Variants in RUNDC3A observed in about 807,000 individuals in gnomAD.
RUNDC3A encodes the protein RUN domain containing 3A.
In RUNDC3A, 28 loss-of-function variants were observed where a neutral mutation model predicts 53.9. The ratio of observed to expected loss-of-function variants is 0.52; its 90% CI spans 0.38 to 0.71. The LOEUF (loss-of-function observed/expected upper bound fraction) is 0.71. Among genes scored for constraint, RUNDC3A ranks in the 30% least tolerant of loss-of-function variants. The pLI, the probability that RUNDC3A is intolerant of heterozygous loss-of-function variation, is 0.00. For synonymous variants in RUNDC3A, 232 were observed against 249.4 expected (o/e 0.93, Z 0.66); for missense variants, 491 against 597.3 (o/e 0.82, Z 1.85).
At chr17:44,317,978 G>A in intron 10 of RUNDC3A, 118 bp from the exon 11 acceptor site, 1 of 1,042,362 alleles carries the variant, frequency 9.6e-7, no homozygotes, top group Non-Finnish European at 1.4e-6. Context: ...CAAATGCTGT[G>A]GAATATGCCA....
At chr17:44,314,590 G>A (rs981846189) in intron 4 of RUNDC3A, 145 bp from the exon 5 acceptor site, 3 of 1,450,750 alleles carry the variant, frequency 2.1e-6, no homozygotes, top group Admixed American at 5.0e-5. Flanking sequence ...AAGGGGGAGA[G>A]AGGCTCCAGG....
intron 10 of RUNDC3A, chr17:44,316,978 A>G: frequency 2.2e-6 from 1 of 464,472 alleles, no homozygotes; most frequent in Non-Finnish European, 3.8e-6. Context: ...GCCTGCCACC[A>G]CGCGCAGCTA....
rs1366662595 is a variant in RUNDC3A, at chr17:44,308,744, G to A, written c.-89G>A. ...AAGGGTTGAGGGGCCCCGTCGGACA[G>A]AGGGCCCAGCCGTGATCCAGCGACG... On this transcript the variant is annotated 5_prime_UTR_variant, in exon 1 of 11. Transcript: ENST00000426726. 1.2e-6 allele frequency: 1 copy of A among 843,818 alleles called. No homozygotes were observed. Among genetic ancestry groups the A allele is most frequent in the African/African-American group, 1.7e-5 (1 of 57,720 alleles). 52.3% of individuals were successfully genotyped at this position (843,818 alleles called of 1,614,324 possible).
At chr17:44,317,364 T>A (rs1023714495) in intron 10 of RUNDC3A, 1 of 739,084 alleles carries the variant, frequency 1.4e-6, no homozygotes, top group East Asian at 2.5e-5. Flanking sequence ...TTTTTTAGTG[T>A]CATGACATCC....
intron 1 of RUNDC3A, among the ~76,000 whole-genome samples, chr17:44,310,265 C>A (rs2047724823): frequency 6.6e-6 from 1 of 152,234 alleles, no homozygotes; most frequent in African/African-American, 2.4e-5. Context: ...TTAGATGTCA[C>A]AGCCACACCA....
chr17:44,313,678 C>CA, intron 4 of RUNDC3A, 175 bp downstream of exon 4: 2 of 1,082,548 alleles, frequency 1.8e-6, no homozygotes, highest in Admixed American at 9.9e-5. Context: ...AGGACGAACT[C>CA]TTTTTTTTTT....
At position 44,313,242 on chromosome 17, in the gene RUNDC3A, C is replaced by A; in HGVS notation, c.362C>A (p.Ala121Asp). 1 of 1,613,952 alleles carries A rather than the reference C, an allele frequency of 6.2e-7. No individual in the cohort carries two copies. The highest frequency in any genetic ancestry group is 8.5e-7 in the Non-Finnish European group (1 of 1,179,846). ...GAGAACATGGAGAACATCAGCACAG[C>A]CCGGGCCAAGGTGAGGGGCCTGAAG... Reference protein sequence around the residue: ...SIENMENISTARAKGRAWIRV... With the variant: ...SIENMENISTDRAKGRAWIRV... The change falls in exon 3 of 11, where the codon GCC (alanine) becomes GAC (aspartate). Residue 121 changes from alanine to aspartate, a missense_variant. This residue lies in a region of RUNDC3A where 273 missense variants were observed against 389.0 expected (regional missense o/e 0.70). Coordinates refer to ENST00000426726, the MANE Select transcript of RUNDC3A (RefSeq NM_001144825.2).
chr17:44,318,275 G>A lies in RUNDC3A; in HGVS notation c.*37G>A, dbSNP rs2047915653. 1 of 1,530,096 alleles carries A rather than the reference G, an allele frequency of 6.5e-7. No homozygotes were observed. Among genetic ancestry groups the A allele is most frequent in the African/African-American group, 1.4e-5 (1 of 72,772 alleles). 94.8% of individuals were successfully genotyped at this position (1,530,096 alleles called of 1,614,324 possible). A position where few individuals can be genotyped will look rare whatever the true frequency, so the allele number is the denominator to read the frequency against. On this transcript the variant is annotated 3_prime_UTR_variant, in exon 11 of 11. Transcript: ENST00000426726. ...GGCAGTGCCAGCCCCACCTGCCAGG[G>A]GCCATGGACACCTGCCACCTTTCTT...
Position 44,308,901 on chromosome 17 carries a change from C to A in RUNDC3A, c.69C>A (p.Asn23Lys). ...GLSSKKASSR[N>K]VAVERKNLIT... Reference sequence around the variant, plus strand: ...CCTCCAAGAAAGCGTCCTCTCGCAACGTGGCTGTGGAGCGTAAGAACCTGA... The same window carrying A: ...CCTCCAAGAAAGCGTCCTCTCGCAAAGTGGCTGTGGAGCGTAAGAACCTGA... The change falls in exon 1 of 11, where the codon AAC (asparagine) becomes AAA (lysine). Residue 23 changes from asparagine (N) to lysine (K), a missense_variant. Transcript: ENST00000426726. 6.3e-7 allele frequency: 1 copy of A among 1,596,480 alleles called. No homozygotes were observed.
At chr17:44,310,913 C>A in intron 1 of RUNDC3A, 1 of 985,488 alleles carries the variant, frequency 1.0e-6, no homozygotes, top group Non-Finnish European at 1.2e-6. Flanking sequence ...GCAGGGCCAG[C>A]CTTCCCAGCC....
rs1002296812 is a variant in RUNDC3A, at chr17:44,318,312, C to T, written c.*74C>T. The stretch of plus-strand genomic sequence containing the variant: ...CTGCCACCTTTCTTCAACAAGAGTC[C>T]CCCAATCCAGGCTACCCTTCCAGAG... On this transcript the variant is annotated 3_prime_UTR_variant, in exon 11 of 11. Transcript: ENST00000426726. The T allele has an allele frequency of 6.1e-6, 9 of 1,466,912 alleles. No individual in the cohort carries two copies. Among genetic ancestry groups the T allele is most frequent in the Admixed American group, 4.0e-5 (2 of 50,102 alleles). The allele number at this position is 1,466,912 out of a possible 1,614,324, so 90.9% of individuals were successfully genotyped here. A position where few individuals can be genotyped will look rare whatever the true frequency, so the allele number is the denominator to read the frequency against.
chr17:44,315,084 C>G lies in RUNDC3A; in HGVS notation c.630-71C>G. 1 of 1,608,406 alleles carries G rather than the reference C, an allele frequency of 6.2e-7. No individual in the cohort carries two copies. On this transcript the variant is annotated intron_variant, in intron 6 of 10. Transcript: ENST00000426726. The surrounding 1 kb of genome is among the most constrained non-coding windows in gnomAD (Gnocchi z 6.1). Reference sequence around the variant, plus strand: ...TCCTGGGGACGTCCTGGTCCCACCGCCCTCAGCGGCCAGCGCAGACGCGCG... The same window carrying G: ...TCCTGGGGACGTCCTGGTCCCACCGGCCTCAGCGGCCAGCGCAGACGCGCG...
Position 44,318,521 on chromosome 17 carries a change from C to A in RUNDC3A, c.*283C>A. 2.3e-6 allele frequency: 1 copy of A among 438,200 alleles called. No individual in the cohort carries two copies. The highest frequency in any genetic ancestry group is 4.2e-6 in the Non-Finnish European group (1 of 238,430). The allele number at this position is 438,200 out of a possible 1,614,324, so 27.1% of individuals were successfully genotyped here. A position where few individuals can be genotyped will look rare whatever the true frequency, so the allele number is the denominator to read the frequency against. ...CTGGTGACCTTGGCGCTCCTTCACT[C>A]ATCTCCCCTGCCCCCTCAGGAACTG... is the stretch of plus-strand genomic sequence containing the variant. On this transcript the variant is annotated 3_prime_UTR_variant, in exon 11 of 11. Transcript: ENST00000426726.
Position 44,315,801 on chromosome 17 carries a change from A to AG in RUNDC3A, c.953+193dup. ...ATCTTCTAACATTGCCCCCAGCATA[A>AG]GATCCAGTGACTTCCAACAGCCAGA... On this transcript the variant is annotated intron_variant, in intron 8 of 10. Transcript: ENST00000426726. The surrounding 1 kb of genome is among the most constrained non-coding windows in gnomAD (Gnocchi z 6.1). 1 of 467,218 alleles carries AG rather than the reference A, an allele frequency of 2.1e-6. No individual in the cohort carries two copies. The highest frequency in any genetic ancestry group is 3.6e-6 in the Non-Finnish European group (1 of 281,352). The allele number at this position is 467,218 out of a possible 1,614,324, so 28.9% of individuals were successfully genotyped here.
chr17:44,312,413 C>T (rs2047765514), intron 1 of RUNDC3A, among the ~76,000 whole-genome samples, 167 bp from the exon 2 acceptor site: 1 of 152,084 alleles, frequency 6.6e-6, no homozygotes, highest in South Asian at 2.1e-4. Flanking sequence ...TGACACGGTA[C>T]CTCTATGGTC....
chr17:44,313,645 C>T, intron 4 of RUNDC3A, 142 bp downstream of exon 4: 1 of 1,371,288 alleles, frequency 7.3e-7, no homozygotes, highest in South Asian at 1.8e-5. Flanking sequence ...TGATTTCCCT[C>T]TTCCAGCCTG....
chr17:44,312,658 A>G lies in RUNDC3A; in HGVS notation c.186A>G (p.Ala62=). ...CATCGGAGGAGTTTGTCAATTTTGCAGCCATTTTAGAGCAGATCCTCAGCC... is the reference window on the plus strand; with the variant it reads ...CATCGGAGGAGTTTGTCAATTTTGCGGCCATTTTAGAGCAGATCCTCAGCC... ...DDSSEEFVNF[A]AILEQILSHR... Residue 62 remains alanine, a synonymous_variant, in exon 2 of 11, where the codon GCA becomes GCG. Coordinates refer to ENST00000426726, the MANE Select transcript of RUNDC3A (RefSeq NM_001144825.2). 2 of 1,583,924 alleles carry G rather than the reference A, an allele frequency of 1.3e-6. No individual in the cohort carries two copies. The highest frequency in any genetic ancestry group is 2.3e-5 in the East Asian group (1 of 43,496).
rs1567854844 is a variant in RUNDC3A, at chr17:44,314,273, T to C, written c.459-462T>C. 4.0e-6 allele frequency: 4 copies of C among 1,007,332 alleles called. No homozygotes were observed. The African/African-American group carries it at 6.9e-5, about 17-fold the overall frequency. 62.4% of individuals were successfully genotyped at this position (1,007,332 alleles called of 1,614,324 possible). A position where few individuals can be genotyped will look rare whatever the true frequency, so the allele number is the denominator to read the frequency against. On this transcript the variant is annotated intron_variant, in intron 4 of 10. Coordinates refer to ENST00000426726, the MANE Select transcript of RUNDC3A (RefSeq NM_001144825.2). Reference sequence around the variant, plus strand: ...TGAGGCAAGGGGTTACAAGGAGGAGTGTGCCTGTGTGGGCAGGTGCATCTG... The same window carrying C: ...TGAGGCAAGGGGTTACAAGGAGGAGCGTGCCTGTGTGGGCAGGTGCATCTG...
chr17:44,316,300 T>G (rs2047860370), intron 8 of RUNDC3A, 85 bp from the exon 9 acceptor site: 1 of 1,351,744 alleles, frequency 7.4e-7, no homozygotes, highest in Non-Finnish European at 1.0e-6. Flanking sequence ...ATTTCATTCC[T>G]GACCCCTCCC....
Sources: gnomAD v4.1 joint callset for allele counts (sites outside exome capture counted in the v4.1 genomes callset) on GRCh38, gnomAD v4.1.1 for gene constraint, gnomAD v4.1.1 regional missense constraint, Gnocchi (gnomAD v3.1) non-coding constraint, MANE v1.5 for transcripts, NCBI Gene and HGNC (gene_info 2026-07-23, HGNC 2026-07-21) for gene names.